RBPJ: variants seen among roughly 807,000 people sequenced by gnomAD.
The protein encoded by RBPJ is recombining binding protein suppressor of hairless.
In RBPJ, 9 loss-of-function variants were observed where a neutral mutation model predicts 67.8. That is an observed-to-expected ratio of 0.13 (90% CI 0.08 to 0.23). The LOEUF (loss-of-function observed/expected upper bound fraction) is 0.23. RBPJ is among the 10% of genes least tolerant of loss of function. RBPJ has a pLI of 1.00. For synonymous variants in RBPJ, 198 were observed against 203.3 expected (o/e 0.97, Z 0.22); for missense variants, 305 against 595.6 (o/e 0.51, Z 5.08).
At chr4:26,329,621 G>A (rs556419136) in intron 1 of RBPJ, among the ~76,000 whole-genome samples, 2 of 152,218 alleles carry the variant, frequency 1.3e-5, no homozygotes, top group East Asian at 3.9e-4. Context: ...CCGGCTGGGC[G>A]CGGTGGCTCA....
intron 1 of RBPJ, among the ~76,000 whole-genome samples, chr4:26,168,677 G>A (rs1359998643): frequency 3.3e-5 from 5 of 152,156 alleles, no homozygotes; most frequent in African/African-American, 1.2e-4. Flanking sequence ...TTCCAACTTG[G>A]TTCCATTCTC....
intron 2 of RBPJ, among the ~76,000 whole-genome samples, chr4:26,388,189 G>T (rs1285561691): frequency 6.6e-6 from 1 of 152,032 alleles, no homozygotes; most frequent in Non-Finnish European, 1.5e-5. Flanking sequence ...TAGAGACAGG[G>T]TCTCACTATG....
chr4:26,389,145 CT>C (rs1299578582), intron 2 of RBPJ, among the ~76,000 whole-genome samples: 1 of 151,816 alleles, frequency 6.6e-6, no homozygotes, highest in Non-Finnish European at 1.5e-5. Context: ...GGGAGGATCA[CT>C]TGAGCCCAGG....
intron 1 of RBPJ, among the ~76,000 whole-genome samples, chr4:26,225,254 G>T (rs1426434329): frequency 6.6e-6 from 1 of 152,152 alleles, no homozygotes; most frequent in African/African-American, 2.4e-5. Context: ...GTCTTTACTT[G>T]GTAGGCAAAT....
intron 1 of RBPJ, among the ~76,000 whole-genome samples, chr4:26,351,768 A>C (rs1726828222): frequency 6.6e-6 from 1 of 152,188 alleles, no homozygotes; most frequent in African/African-American, 2.4e-5. Context: ...CTCTACAACT[A>C]TGTATATCTT....
chr4:26,362,704 G>A (rs1455851294), intron 1 of RBPJ: 19 of 1,137,014 alleles, frequency 1.7e-5, no homozygotes, highest in Non-Finnish European at 2.4e-5. Context: ...TTTAGTTAAT[G>A]CATATTTAAG....
At chr4:26,146,453 C>T in the RBPJ span, among the ~76,000 whole-genome samples, 1 of 152,150 alleles carries the variant, frequency 6.6e-6, no homozygotes, top group Non-Finnish European at 1.5e-5. Flanking sequence ...GAAGTCAGTA[C>T]AGGAGAAAAT....
chr4:26,312,136 TTTTA>T (rs1577414538), intron 1 of RBPJ, among the ~76,000 whole-genome samples: 1 of 149,606 alleles, frequency 6.7e-6, no homozygotes, highest in Non-Finnish European at 1.5e-5. Context: ...TTTTATTTTA[TTTTA>T]TTTTTTTTTG....
intron 2 of RBPJ, among the ~76,000 whole-genome samples, chr4:26,402,398 TG>T (rs1732926972): frequency 6.6e-6 from 1 of 152,218 alleles, no homozygotes; most frequent in Non-Finnish European, 1.5e-5. Context: ...AATCTTCAGT[TG>T]TTTTATTTGT....
intron 7 of RBPJ, among the ~76,000 whole-genome samples, chr4:26,427,072 G>A (rs1276369838): frequency 6.6e-6 from 1 of 152,192 alleles, no homozygotes; most frequent in East Asian, 1.9e-4. Context: ...AGAGAGACAG[G>A]TGCTTGGATT....
upstream of RBPJ, among the ~76,000 whole-genome samples, chr4:26,316,456 T>C (rs1355978661): frequency 6.9e-6 from 1 of 144,684 alleles, no homozygotes; most frequent in African/African-American, 2.6e-5. Context: ...CATTCATATA[T>C]ACATTCATAT....
In RBPJ at chr4:26,264,605, C is replaced by T. The variant is rs758171555; in HGVS notation, c.-166-97841C>T. The stretch of plus-strand genomic sequence containing the variant: ...ACTTCTCACCATATAGGCACATACA[C>T]TCACACACACTTGCTGTCTTCCTCT... On this transcript the variant is annotated intron_variant, in intron 1 of 4. Coordinates refer to the RBPJ transcript ENST00000512351. This position sits in a 1 kb window ranked among gnomAD's most constrained non-coding sequence, Gnocchi z 4.1. Among the ~76,000 whole-genome samples, 23 of 152,304 alleles carry T rather than the reference C, an allele frequency of 1.5e-4. No homozygotes were observed. Among genetic ancestry groups the T allele is most frequent in the Non-Finnish European group, 3.1e-4 (21 of 68,030 alleles).
upstream of RBPJ, among the ~76,000 whole-genome samples, chr4:26,316,540 T>TATTCATGTATATATTCATATAC (rs1722636979): frequency 6.9e-6 from 1 of 145,210 alleles, no homozygotes. Context: ...TTCATATATA[T>TATTCATGTATATATTCATATAC]ATTCATGTAT....
chr4:26,320,114 G>A (rs1722863420), upstream of RBPJ, among the ~76,000 whole-genome samples: 1 of 152,006 alleles, frequency 6.6e-6, no homozygotes. Flanking sequence ...GGGTCTTAGA[G>A]AGGCCATGCA....
At chr4:26,256,519 C>A (rs1408762588) in intron 1 of RBPJ, among the ~76,000 whole-genome samples, 1 of 152,040 alleles carries the variant, frequency 6.6e-6, no homozygotes, top group African/African-American at 2.4e-5. Flanking sequence ...AACTTTTAGC[C>A]ATTTAGTTTA....
At chr4:26,271,890 TAC>T (rs1344741481) in intron 1 of RBPJ, among the ~76,000 whole-genome samples, 4 of 152,166 alleles carry the variant, frequency 2.6e-5, no homozygotes, top group African/African-American at 9.7e-5. Context: ...AGCAACCACA[TAC>T]AGAGACACGT....
intron 1 of RBPJ, among the ~76,000 whole-genome samples, chr4:26,322,458 A>G (rs182045888): frequency 4.7e-4 from 72 of 151,880 alleles, no homozygotes; most frequent in Middle Eastern, 3.4e-3. Context: ...TAAATGTTTT[A>G]TTTTTTCTTA....
intron 1 of RBPJ, among the ~76,000 whole-genome samples, chr4:26,184,797 G>C (rs954304959): frequency 6.6e-6 from 1 of 152,172 alleles, no homozygotes; most frequent in Non-Finnish European, 1.5e-5. Flanking sequence ...TTTGTCGGAA[G>C]GCACAGTAAT....
intron 1 of RBPJ, 149 bp from the exon 2 acceptor site, chr4:26,386,204 A>C: frequency 1.7e-6 from 1 of 599,196 alleles, no homozygotes; most frequent in Non-Finnish European, 3.0e-6. Flanking sequence ...TTTGGGATAC[A>C]GATGCTTACC....
Sources: gnomAD v4.1 joint callset for allele counts (sites outside exome capture counted in the v4.1 genomes callset) on GRCh38, gnomAD v4.1.1 for gene constraint, Gnocchi (gnomAD v3.1) non-coding constraint, MANE v1.5 for transcripts, NCBI Gene and HGNC (gene_info 2026-07-23, HGNC 2026-07-21) for gene names.